TLE1: variants seen among roughly 807,000 people sequenced by gnomAD.
TLE1 encodes transducin-like enhancer protein 1.
TLE1 carries 21 observed loss-of-function variants against 89.8 expected under a neutral mutation model. The ratio of observed to expected loss-of-function variants is 0.23; its 90% confidence interval spans 0.17 to 0.34. The LOEUF (loss-of-function observed/expected upper bound fraction) is 0.34. Ranked by LOEUF, TLE1 falls within the 10% of genes least tolerant of loss-of-function variation. The pLI, the probability that TLE1 is intolerant of heterozygous loss-of-function variation, is 1.00. For synonymous variants in TLE1, 447 were observed against 407.6 expected (o/e 1.10, Z -1.16); for missense variants, 795 against 1,031.2 (o/e 0.77, Z 3.14).
intron 14 of TLE1, chr9:81,599,898 T>G (rs116921346): frequency 0.041 from 20,968 of 514,082 alleles, 556 homozygotes; most frequent in Non-Finnish European, 0.054. Flanking sequence ...ACACTCTATT[T>G]TCATTTATTT....
At chr9:81,686,158 T>G in intron 2 of TLE1, among the ~76,000 whole-genome samples, 1 of 152,154 alleles carries the variant, frequency 6.6e-6, no homozygotes, top group East Asian at 1.9e-4. Context: ...TCAGAACCTC[T>G]AACTGATTCC....
chr9:81,652,615 G>A (rs751104407), intron 5 of TLE1, among the ~76,000 whole-genome samples: 49 of 152,106 alleles, frequency 3.2e-4, no homozygotes, highest in Non-Finnish European at 5.9e-4. Flanking sequence ...GATCACCCTT[G>A]TTCACAAAAG....
chr9:81,688,370 C>CGCGCTCCGCCGG lies in TLE1; in HGVS notation c.-142_-131dup, dbSNP rs1292624793. On this transcript the variant is annotated 5_prime_UTR_variant, in exon 1 of 20. Transcript: ENST00000376499. ...GCGGGGAGCGCGCTGGCCACGCACGCGCGCTCCGCCGGGCGCACCGGCCAC... is the reference window on the plus strand; with the variant it reads ...GCGGGGAGCGCGCTGGCCACGCACGCGCGCTCCGCCGGGCGCTCCGCCGGGCGCACCGGCCAC... 1.9e-6 allele frequency: 2 copies of CGCGCTCCGCCGG among 1,068,546 alleles called. No individual in the cohort carries two copies. Among genetic ancestry groups the CGCGCTCCGCCGG allele is most frequent in the Non-Finnish European group, 2.5e-6 (2 of 793,100 alleles). The allele number at this position is 1,068,546 out of a possible 1,614,324, so 66.2% of individuals were successfully genotyped here. A position where few individuals can be genotyped will look rare whatever the true frequency, so the allele number is the denominator to read the frequency against.
intron 4 of TLE1, among the ~76,000 whole-genome samples, chr9:81,665,725 T>A (rs1166218696): frequency 6.6e-6 from 1 of 152,178 alleles, no homozygotes; most frequent in African/African-American, 2.4e-5. Flanking sequence ...CATTCATTTT[T>A]AATAGCGGGC....
chr9:81,585,682 A>T (rs778442298), intron 17 of TLE1, 27 bp from the exon 18 acceptor site: 9 of 1,611,560 alleles, frequency 5.6e-6, no homozygotes, highest in Non-Finnish European at 6.8e-6. Context: ...AGGCTCACTC[A>T]TTATTCCGCC....
At chr9:81,640,359 G>C (rs1827953225) in intron 6 of TLE1, among the ~76,000 whole-genome samples, 1 of 151,130 alleles carries the variant, frequency 6.6e-6, no homozygotes, top group African/African-American at 2.4e-5. Flanking sequence ...ATGAACATCT[G>C]CTTTCTTAAG....
At chr9:81,600,290 C>T (rs536798284) in intron 14 of TLE1, among the ~76,000 whole-genome samples, 5 of 152,230 alleles carry the variant, frequency 3.3e-5, no homozygotes, top group Non-Finnish European at 7.4e-5. Context: ...ATTTATATCC[C>T]ATAAACCAAA....
intron 14 of TLE1, among the ~76,000 whole-genome samples, chr9:81,607,962 A>G (rs1324175781): frequency 2.6e-5 from 4 of 152,242 alleles, no homozygotes. Context: ...AGATATTATA[A>G]TATATGAAAA....
At chr9:81,627,626 G>GT (rs571381497) in intron 8 of TLE1, among the ~76,000 whole-genome samples, 3 of 152,086 alleles carry the variant, frequency 2.0e-5, no homozygotes, top group Non-Finnish European at 2.9e-5. Flanking sequence ...AAACCTAAGT[G>GT]TTTTCCATTG....
chr9:81,633,732 C>T (rs964925378), intron 7 of TLE1: 1 of 472,370 alleles, frequency 2.1e-6, no homozygotes, highest in Non-Finnish European at 3.7e-6. Flanking sequence ...CATTTGAACA[C>T]ATTCACTTTC....
chr9:81,624,463 G>C (rs370165437), intron 8 of TLE1, among the ~76,000 whole-genome samples: 19 of 152,204 alleles, frequency 1.2e-4, no homozygotes, highest in African/African-American at 4.3e-4. Context: ...CCTCTTCCTA[G>C]AGTCTATACT....
chr9:81,686,642 C>A (rs1225196146), intron 2 of TLE1, among the ~76,000 whole-genome samples: 1 of 152,152 alleles, frequency 6.6e-6, no homozygotes, highest in East Asian at 1.9e-4. Flanking sequence ...TTCATAGGAA[C>A]AAGGGAAAGA....
chr9:81,669,717 T>C (rs923595813), intron 4 of TLE1, among the ~76,000 whole-genome samples: 4 of 152,178 alleles, frequency 2.6e-5, no homozygotes, highest in Non-Finnish European at 5.9e-5. Context: ...CAATTAAAGC[T>C]GCTTAATCAT....
At chr9:81,609,335 T>A (rs767688613) in intron 14 of TLE1, among the ~76,000 whole-genome samples, 1 of 152,158 alleles carries the variant, frequency 6.6e-6, no homozygotes, top group Non-Finnish European at 1.5e-5. Flanking sequence ...TCCACCCGCC[T>A]CAGCCTCCCA....
chr9:81,614,699 G>A (rs1317111539), intron 11 of TLE1, among the ~76,000 whole-genome samples: 1 of 152,098 alleles, frequency 6.6e-6, no homozygotes, highest in Non-Finnish European at 1.5e-5. Flanking sequence ...AAAAGATGAT[G>A]CAGTCTACAA....
chr9:81,675,373 T>A (rs1832745348), intron 4 of TLE1, among the ~76,000 whole-genome samples: 2 of 152,180 alleles, frequency 1.3e-5, no homozygotes, highest in Non-Finnish European at 2.9e-5. Flanking sequence ...AGAAATCTGG[T>A]GACAAGTCAA....
Position 81,587,827 on chromosome 9 carries a change from G to C in TLE1, c.1831C>G (p.Gln611Glu). ...WDLHNQTLVR[Q>E]FQGHTDGASC... is the part of the protein sequence containing the mutation. ...GCTCCGTCTGTGTGGCCCTGGAATT[G>C]CCTGATAAAACAAACCAGATTGAAT... is the stretch of plus-strand genomic sequence containing the variant. Residue 611 changes from glutamine to glutamate, a missense_variant and splice_region_variant, in exon 17 of 20, where the codon CAA becomes GAA. Gln to Glu is a conservative substitution (Grantham distance 29, BLOSUM62 2). Around this residue, in one of 4 missense-constraint regions of TLE1, gnomAD observed 214 missense variants for 354.9 expected, o/e 0.60. Transcript: ENST00000376499. The C allele has an allele frequency of 6.2e-7, 1 of 1,613,410 alleles. No homozygotes were observed. The highest frequency in any genetic ancestry group is 8.5e-7 in the Non-Finnish European group (1 of 1,179,848).
rs183759192 is a variant in TLE1 at position 81,685,430 on chromosome 9, G to C, written c.234+246C>G. ...TAAACTCAAGTCTTAATTCCTATCT[G>C]TCAATAAAGAGGCTAGTTTATATTT... On this transcript the variant is annotated intron_variant, in intron 4 of 19. Transcript: ENST00000376499. Among the ~76,000 whole-genome samples, 318 of 152,264 alleles carry C rather than the reference G, an allele frequency of 2.1e-3. 5 individuals carry two copies. Among genetic ancestry groups the C allele is most frequent in the South Asian group, 0.013 (65 of 4,820 alleles).
rs12006077 is a variant in TLE1, at chr9:81,643,817, T to G, written c.372+8397A>C. On this transcript the variant is annotated intron_variant, in intron 6 of 19. Coordinates refer to ENST00000376499, the MANE Select transcript of TLE1 (RefSeq NM_005077.5). ...TCCCAAACTGCTGGGATTACATGTG[T>G]GAGCCACCATGCCTGGCCTGTCTTT... 2.2e-3 allele frequency among the ~76,000 whole-genome samples: 341 copies of G among 152,328 alleles called. 5 individuals are homozygous for G. Among genetic ancestry groups the G allele is most frequent in the African/African-American group, 7.7e-3 (322 of 41,574 alleles).
Sources: allele counts gnomAD v4.1 joint callset (sites outside exome capture counted in the v4.1 genomes callset), GRCh38; gene constraint gnomAD v4.1.1; regional missense constraint gnomAD v4.1.1; transcripts MANE v1.5; gene names NCBI Gene and HGNC (gene_info 2026-07-23, HGNC 2026-07-21).